Variants in ADCY3 observed in about 807,000 individuals in gnomAD.
The protein encoded by ADCY3 is adenylate cyclase type 3.
A neutral mutation model predicts 119.4 loss-of-function variants in ADCY3; 70 were observed. That is an observed-to-expected ratio of 0.59 (90% CI 0.48 to 0.72). The LOEUF is 0.72. ADCY3 is among the 30% of genes least tolerant of loss of function. ADCY3 has a pLI of 0.00. For synonymous variants in ADCY3, 672 were observed against 621.4 expected (o/e 1.08, Z -1.21); for missense variants, 1,238 against 1,541.6 (o/e 0.80, Z 3.30).
intron 3 of ADCY3, among the ~76,000 whole-genome samples, chr2:24,854,141 G>A (rs559202840): frequency 2.6e-5 from 4 of 152,334 alleles, no homozygotes; most frequent in African/African-American, 9.6e-5. Flanking sequence ...TCGGTAGGGG[G>A]TGGCAGGGTT....
intron 3 of ADCY3, among the ~76,000 whole-genome samples, chr2:24,853,781 C>A (rs1047379788): frequency 6.6e-6 from 1 of 152,180 alleles, no homozygotes; most frequent in Non-Finnish European, 1.5e-5. Flanking sequence ...CCACCGTACC[C>A]GGCCAGTGAG....
chr2:24,872,612 C>T lies in ADCY3; in HGVS notation c.783G>A (p.Ser261=), dbSNP rs751805837. 23 of 1,614,078 alleles carry T rather than the reference C, an allele frequency of 1.4e-5. No individual in the cohort carries two copies. Among genetic ancestry groups the T allele is most frequent in the African/African-American group, 8.0e-5 (6 of 74,924 alleles). The change falls in exon 3 of 22, where the codon TCG becomes TCA. Residue 261 remains serine, a synonymous_variant. Transcript: ENST00000679454. This position sits in a 1 kb window ranked among gnomAD's most constrained non-coding sequence, Gnocchi z 4.4. ...CTTCCAGGTTCATCTTCACCTCCAG[C>T]GACTGGCGGGCCTCCAGGAAGGCCT... ...HRKAFLEARQ[S]LEVKMNLEEQ... is the part of the protein sequence containing the mutation.
At chr2:24,870,253 G>A (rs1298260309) in intron 3 of ADCY3, among the ~76,000 whole-genome samples, 17 of 150,318 alleles carry the variant, frequency 1.1e-4, no homozygotes, top group Non-Finnish European at 1.9e-4. Context: ...CCCGGGAGAC[G>A]GAGGTTGCAG....
At chr2:24,892,934 G>T (rs1677853920) in intron 2 of ADCY3, among the ~76,000 whole-genome samples, 1 of 152,022 alleles carries the variant, frequency 6.6e-6, no homozygotes, top group Non-Finnish European at 1.5e-5. Flanking sequence ...AAAGTGCTGG[G>T]ATCACAAGTG....
At chr2:24,897,021 G>A (rs1162592574) in intron 2 of ADCY3, among the ~76,000 whole-genome samples, 3 of 152,098 alleles carry the variant, frequency 2.0e-5, no homozygotes, top group African/African-American at 7.2e-5. Context: ...GTTTACAGTG[G>A]GAGAATAATT....
At chr2:24,863,957 C>T (rs956885874) in intron 3 of ADCY3, among the ~76,000 whole-genome samples, 3 of 152,182 alleles carry the variant, frequency 2.0e-5, no homozygotes, top group East Asian at 3.8e-4. Flanking sequence ...CCTAAGTATA[C>T]TCTCACTCAT....
At chr2:24,824,565 G>T in intron 16 of ADCY3, 29 bp from the exon 17 acceptor site, 1 of 1,609,970 alleles carries the variant, frequency 6.2e-7, no homozygotes, top group Non-Finnish European at 8.5e-7. Context: ...CGAGGCATGT[G>T]CTCTAAGCTG....
chr2:24,894,262 T>A (rs1037393720), intron 2 of ADCY3, among the ~76,000 whole-genome samples: 1 of 152,192 alleles, frequency 6.6e-6, no homozygotes, highest in African/African-American at 2.4e-5. Flanking sequence ...GTGGGAGAAC[T>A]GCTTGAGGCC....
chr2:24,861,361 C>T (rs945046095), intron 3 of ADCY3, among the ~76,000 whole-genome samples: 2 of 151,684 alleles, frequency 1.3e-5, no homozygotes, highest in Non-Finnish European at 2.9e-5. Flanking sequence ...GGTAGATTAA[C>T]GATTGTTTTT....
At chr2:24,853,082 T>C (rs1672577038) in intron 3 of ADCY3, among the ~76,000 whole-genome samples, 1 of 150,000 alleles carries the variant, frequency 6.7e-6, no homozygotes, top group African/African-American at 2.4e-5. Context: ...GTGTTATTTG[T>C]ACAACATTCT....
At position 24,869,902 on chromosome 2, in the gene ADCY3, C is replaced by T. The variant is rs1052631418; in HGVS notation, c.825+2668G>A. 4.9e-4 allele frequency among the ~76,000 whole-genome samples: 74 copies of T among 152,244 alleles called. 1 individual carries two copies. Among genetic ancestry groups the T allele is most frequent in the Admixed American group, 3.5e-3 (53 of 15,290 alleles). On this transcript the variant is annotated intron_variant, in intron 3 of 21. Coordinates refer to ENST00000679454, the MANE Select transcript of ADCY3 (RefSeq NM_004036.5). ...TTCTCTCTTGAACAGAGACAGAAGA[C>T]GTAAGGAGAATGTAGGTAAATGGAA...
intron 2 of ADCY3, among the ~76,000 whole-genome samples, chr2:24,893,721 T>G (rs1677956189): frequency 6.6e-6 from 1 of 151,468 alleles, no homozygotes; most frequent in African/African-American, 2.4e-5. Context: ...GATCCTCCCA[T>G]CTCAGCCTCA....
In ADCY3 at chr2:24,827,985, G is replaced by A. The variant is rs1200238121; in HGVS notation, c.2349C>T (p.Val783=). The A allele has an allele frequency of 4.3e-6, 7 of 1,614,098 alleles. No individual in the cohort carries two copies. Among genetic ancestry groups the A allele is most frequent in the East Asian group, 2.2e-5 (1 of 44,896 alleles). Residue 783 remains valine, a synonymous_variant, in exon 14 of 22, where the codon GTC becomes GTT. Coordinates refer to ENST00000679454, the MANE Select transcript of ADCY3 (RefSeq NM_004036.5). The part of the protein sequence containing the change: ...HMVKLTLMLL[V]AGAVATINLY... ...GGTTGATGGTGGCCACGGCGCCTGCGACGAGCAGCATGAGCGTGAGCTTCA... is the reference window on the plus strand; with the variant it reads ...GGTTGATGGTGGCCACGGCGCCTGCAACGAGCAGCATGAGCGTGAGCTTCA...
Position 24,899,381 on chromosome 2 carries a change from C to T in ADCY3, c.675+18932G>A, listed in dbSNP as rs1678655413. On this transcript the variant is annotated intron_variant, in intron 2 of 21. Transcript: ENST00000679454. The surrounding 1 kb of genome is among the most constrained non-coding windows in gnomAD (Gnocchi z 4.5). The stretch of plus-strand genomic sequence containing the variant: ...TCTTGCGACCAAAGCCCATGTCTGT[C>T]TAAGAGCGGGACCTCACTCTCGGCT... Among the ~76,000 whole-genome samples, 2 of 152,234 alleles carry T rather than the reference C, an allele frequency of 1.3e-5. No individual in the cohort carries two copies. The highest frequency in any genetic ancestry group is 4.8e-5 in the African/African-American group (2 of 41,462).
chr2:24,899,451 G>A lies in ADCY3; in HGVS notation c.675+18862C>T, dbSNP rs2148981420. Among the ~76,000 whole-genome samples, 1 of 152,336 alleles carries A rather than the reference G, an allele frequency of 6.6e-6. No individual in the cohort carries two copies. Among genetic ancestry groups the A allele is most frequent in the African/African-American group, 2.4e-5 (1 of 41,572 alleles). ...AGCCACCTCTGCCACCAGCCTGCCAGGCAAAACTGTCCCTGGATTTCCTGC... is the reference window on the plus strand; with the variant it reads ...AGCCACCTCTGCCACCAGCCTGCCAAGCAAAACTGTCCCTGGATTTCCTGC... On this transcript the variant is annotated intron_variant, in intron 2 of 21. Transcript: ENST00000679454. The surrounding 1 kb of genome is among the most constrained non-coding windows in gnomAD (Gnocchi z 4.5).
chr2:24,850,268 T>C (rs887352112), intron 3 of ADCY3, among the ~76,000 whole-genome samples: 1 of 152,150 alleles, frequency 6.6e-6, no homozygotes, highest in African/African-American at 2.4e-5. Flanking sequence ...TCCTGGATCC[T>C]GGCCCCTTTC....
intron 6 of ADCY3, among the ~76,000 whole-genome samples, chr2:24,840,864 A>G (rs933552535): frequency 1.3e-5 from 2 of 152,170 alleles, no homozygotes; most frequent in African/African-American, 2.4e-5. Context: ...CTGCATCACG[A>G]GATGGAGAGG....
intron 2 of ADCY3, among the ~76,000 whole-genome samples, chr2:24,895,629 T>TA (rs1491268929): frequency 6.8e-6 from 1 of 146,364 alleles, no homozygotes; most frequent in African/African-American, 2.5e-5. Context: ...TTTCTTCTTC[T>TA]TTTTTTTTTT....
rs538315098 is a variant in ADCY3 at position 24,828,101 on chromosome 2, C to T, written c.2233G>A (p.Gly745Ser). The T allele has an allele frequency of 6.5e-5, 105 of 1,614,132 alleles. 1 individual carries two copies. In the East Asian group the frequency reaches 2.3e-3, roughly 35 times the overall value. Residue 745 changes from glycine (G) to serine (S), a missense_variant, in exon 14 of 22, where the codon GGC (glycine) becomes AGC (serine). By Grantham distance (56) the Gly-to-Ser change is moderately conservative (BLOSUM62 0). Transcript: ENST00000679454. ...TACTTGGGGTTCTCCAGGCAGCTGC[C>T]CTCCGTTTCCATCCCTGCCGTTGCA... ...SNATAGMETE[G>S]SCLENPKYYN...
Sources: allele counts gnomAD v4.1 joint callset (sites outside exome capture counted in the v4.1 genomes callset), GRCh38; gene constraint gnomAD v4.1.1; non-coding constraint Gnocchi (gnomAD v3.1); transcripts MANE v1.5; gene names NCBI Gene and HGNC (gene_info 2026-07-23, HGNC 2026-07-21).